Variants in OSTN observed in about 807,000 individuals in gnomAD.
OSTN encodes the protein osteocrin.
In OSTN, 9 loss-of-function variants were observed where a neutral mutation model predicts 12.0. The observed-to-expected ratio is 0.75, with a 90% CI of 0.45 to 1.30. OSTN has a LOEUF of 1.30. OSTN is among the 50% of genes most tolerant of loss of function. OSTN has a pLI of 0.00. For missense variants in OSTN, 148 were observed against 152.3 expected, an observed-to-expected ratio of 0.97 and a Z score of 0.15; for synonymous variants, 59 against 56.9, an observed-to-expected ratio of 1.04 and a Z score of -0.16.
chr3:191,223,743 C>A (rs1714830971), intron 3 of OSTN, among the ~76,000 whole-genome samples: 2 of 151,480 alleles, frequency 1.3e-5, no homozygotes, highest in African/African-American at 2.4e-5. Context: ...ACTAAAATTT[C>A]TCTATGAAAA....
chr3:191,241,405 C>G (rs1715319494), intron 3 of OSTN, among the ~76,000 whole-genome samples: 1 of 151,714 alleles, frequency 6.6e-6, no homozygotes, highest in Non-Finnish European at 1.5e-5. Flanking sequence ...AGGATGGTCT[C>G]GATCTCCTGA....
Position 191,241,167 on chromosome 3 carries a change from C to CTTTTTTTTTTTTTTTTTTT in OSTN, c.318-8859_318-8841dup, listed in dbSNP as rs575332839. On this transcript the variant is annotated intron_variant, in intron 3 of 4. Coordinates refer to ENST00000682035, the MANE Select transcript of OSTN (RefSeq NM_198184.2). ...AAGTTGGTGGAGCTCTGTGCCTTGA[C>CTTTTTTTTTTTTTTTTTTT]TTTTTTTTTTTTTTTTTTTTTTTTT... Among the ~76,000 whole-genome samples the CTTTTTTTTTTTTTTTTTTT allele has an allele frequency of 8.0e-4, 37 of 46,466 alleles. 16 individuals carry two copies. The highest frequency in any genetic ancestry group is 3.0e-3 in the South Asian group (2 of 672). The allele number at this position is 46,466 out of a possible 152,430, so 30.5% of individuals were successfully genotyped here. A position where few individuals can be genotyped will look rare whatever the true frequency, so the allele number is the denominator to read the frequency against.
At chr3:191,248,972 T>C (rs991497418) in intron 3 of OSTN, among the ~76,000 whole-genome samples, 1 of 152,200 alleles carries the variant, frequency 6.6e-6, no homozygotes, top group South Asian at 2.1e-4. Context: ...TATCTCTCAT[T>C]GCAAAAGTGT....
intron 2 of OSTN, chr3:191,213,277 A>C (rs1714513491): frequency 6.6e-6 from 1 of 152,232 alleles, no homozygotes; most frequent in Non-Finnish European, 1.5e-5. Context: ...ACACAAAATC[A>C]AGAAAATCGG....
chr3:191,261,042 G>A (rs1715797106), intron 4 of OSTN, among the ~76,000 whole-genome samples: 1 of 152,128 alleles, frequency 6.6e-6, no homozygotes, highest in African/African-American at 2.4e-5. Flanking sequence ...ATAGAGGCCA[G>A]GAGCTTTTCT....
chr3:191,231,637 T>A (rs1401901816), intron 3 of OSTN, among the ~76,000 whole-genome samples: 1 of 152,200 alleles, frequency 6.6e-6, no homozygotes, highest in African/African-American at 2.4e-5. Context: ...AAAAACTTCA[T>A]GAGTTTCTTA....
chr3:191,213,253 A>G (rs1714513181), intron 2 of OSTN: 1 of 152,230 alleles, frequency 6.6e-6, no homozygotes, highest in Non-Finnish European at 1.5e-5. Flanking sequence ...TACACAAAAT[A>G]AAATAGAGAA....
chr3:191,262,959 A>G lies in OSTN; in HGVS notation c.*106A>G, dbSNP rs1434262907. ...TAATGATTAAACTTTTAAGGAACTGACCTTCTGCAAATCCTTTCCAAAGCT... is the reference window on the plus strand; with the variant it reads ...TAATGATTAAACTTTTAAGGAACTGGCCTTCTGCAAATCCTTTCCAAAGCT... On this transcript the variant is annotated 3_prime_UTR_variant, in exon 5 of 5. Coordinates refer to ENST00000682035, the MANE Select transcript of OSTN (RefSeq NM_198184.2). 1 of 691,422 alleles carries G rather than the reference A, an allele frequency of 1.4e-6. No homozygotes were observed. The highest frequency in any genetic ancestry group is 2.6e-6 in the Non-Finnish European group (1 of 377,690). 42.8% of individuals were successfully genotyped at this position (691,422 alleles called of 1,614,324 possible).
At chr3:191,236,343 G>C (rs575003580) in intron 3 of OSTN, among the ~76,000 whole-genome samples, 14 of 152,030 alleles carry the variant, frequency 9.2e-5, no homozygotes, top group Non-Finnish European at 1.3e-4. Context: ...CCAGAAAGGG[G>C]TCCCGAACCA....
chr3:191,224,168 G>A (rs894037967), intron 3 of OSTN, among the ~76,000 whole-genome samples: 4 of 151,852 alleles, frequency 2.6e-5, no homozygotes, highest in Admixed American at 2.0e-4. Context: ...ACCTGAGGTC[G>A]GGAGTTGGAT....
chr3:191,244,908 T>A (rs1715396570), intron 3 of OSTN, among the ~76,000 whole-genome samples: 1 of 152,062 alleles, frequency 6.6e-6, no homozygotes, highest in African/African-American at 2.4e-5. Flanking sequence ...ATGAATTTGT[T>A]GCTAGGGTAA....
At chr3:191,255,656 TTTTGTTCACA>T (rs1417017392) in intron 4 of OSTN, among the ~76,000 whole-genome samples, 1 of 152,152 alleles carries the variant, frequency 6.6e-6, no homozygotes, top group Non-Finnish European at 1.5e-5. Flanking sequence ...ATGCTTCAAA[TTTTGTTCACA>T]AAAGTATGCT....
At chr3:191,252,334 G>A (rs111800787) in intron 4 of OSTN, among the ~76,000 whole-genome samples, 1,816 of 152,256 alleles carry the variant, frequency 0.012, 38 homozygotes, top group African/African-American at 0.041. Context: ...CAAAGTGCTG[G>A]GATTACAGGA....
At chr3:191,230,408 C>CAA in intron 3 of OSTN, among the ~76,000 whole-genome samples, 1 of 150,798 alleles carries the variant, frequency 6.6e-6, no homozygotes, top group African/African-American at 2.4e-5. Context: ...TACTAAAATA[C>CAA]AAAAAATTAG....
chr3:191,263,180 C>T lies in OSTN; in HGVS notation c.*327C>T, dbSNP rs2108559419. 3.6e-6 allele frequency: 1 copy of T among 275,572 alleles called. No individual in the cohort carries two copies. Among genetic ancestry groups the T allele is most frequent in the East Asian group, 6.5e-5 (1 of 15,366 alleles). The allele number at this position is 275,572 out of a possible 1,614,324, so 17.1% of individuals were successfully genotyped here. A position where few individuals can be genotyped will look rare whatever the true frequency, so the allele number is the denominator to read the frequency against. ...GCCTTCTGTATGGATTTACCATGCA[C>T]ATGTTTGTAGTCAAAGAATAATAAC... On this transcript the variant is annotated 3_prime_UTR_variant, in exon 5 of 5. Coordinates refer to ENST00000682035, the MANE Select transcript of OSTN (RefSeq NM_198184.2).
chr3:191,200,321 G>A (rs1037291678), intron 1 of OSTN, among the ~76,000 whole-genome samples: 1 of 152,028 alleles, frequency 6.6e-6, no homozygotes, highest in African/African-American at 2.4e-5. Context: ...GAGTGTTTAA[G>A]GTTGACATTT....
chr3:191,230,621 A>ACTCACTAT (rs1376167608), intron 3 of OSTN, among the ~76,000 whole-genome samples: 1 of 151,862 alleles, frequency 6.6e-6, no homozygotes, highest in Admixed American at 6.6e-5. Context: ...TAGCATGAGA[A>ACTCACTAT]CTCACTATCA....
rs1018831993 is a variant in OSTN at position 191,215,783 on chromosome 3, T to C, written c.103-2964T>C. On this transcript the variant is annotated intron_variant, in intron 2 of 4. Coordinates refer to ENST00000682035, the MANE Select transcript of OSTN (RefSeq NM_198184.2). The stretch of plus-strand genomic sequence containing the variant: ...TTGAGCAGCTCTGCCCCTGAGGCTT[T>C]GCAGGGTACAGCCCCACTCTCAGCA... 2.0e-5 allele frequency among the ~76,000 whole-genome samples: 3 copies of C among 152,192 alleles called. No individual in the cohort carries two copies. In the East Asian group the frequency reaches 5.8e-4, roughly 29 times the overall value.
chr3:191,249,136 T>TA (rs1041885119), intron 3 of OSTN, among the ~76,000 whole-genome samples: 20 of 151,542 alleles, frequency 1.3e-4, no homozygotes, highest in Admixed American at 1.2e-3. Flanking sequence ...ATAAGCCAGT[T>TA]ACCTTTTCTG....
Sources: allele counts gnomAD v4.1 joint callset (sites outside exome capture counted in the v4.1 genomes callset), GRCh38; gene constraint gnomAD v4.1.1; transcripts MANE v1.5; gene names NCBI Gene and HGNC (gene_info 2026-07-23, HGNC 2026-07-21).